Variants in GRM8 observed in about 807,000 individuals in gnomAD.
GRM8 encodes the protein metabotropic glutamate receptor 8.
Under a neutral mutation model 87.2 loss-of-function variants are expected in GRM8, and 47 were observed. The ratio of observed to expected loss-of-function variants is 0.54; its 90% CI spans 0.43 to 0.69. GRM8 has a LOEUF of 0.69. Among genes scored for constraint, GRM8 ranks in the 30% least tolerant of loss-of-function variants. GRM8 has a pLI of 0.00. For synonymous variants in GRM8, 396 were observed against 404.5 expected (o/e 0.98, Z 0.25); for missense variants, 1,019 against 1,139.2 (o/e 0.89, Z 1.52).
chr7:126,769,706 AG>A (rs1818615054), intron 7 of GRM8, among the ~76,000 whole-genome samples, 158 bp downstream of exon 7: 1 of 152,118 alleles, frequency 6.6e-6, no homozygotes, highest in Non-Finnish European at 1.5e-5. Context: ...AATATGTTTG[AG>A]ATTCAAAAGC....
chr7:127,046,063 C>G (rs1283387551), intron 3 of GRM8, among the ~76,000 whole-genome samples: 2 of 152,150 alleles, frequency 1.3e-5, no homozygotes, highest in African/African-American at 4.8e-5. Flanking sequence ...AGACTTTTCT[C>G]TCAATAACGT....
At chr7:126,819,037 C>T (rs925627535) in intron 6 of GRM8, among the ~76,000 whole-genome samples, 2 of 152,158 alleles carry the variant, frequency 1.3e-5, no homozygotes, top group Non-Finnish European at 2.9e-5. Flanking sequence ...TCAGCTCTCA[C>T]CTGAACTGCA....
At chr7:126,661,889 G>C (rs997661901) in intron 7 of GRM8, among the ~76,000 whole-genome samples, 1 of 58,828 alleles carries the variant, frequency 1.7e-5, no homozygotes, top group African/African-American at 8.0e-5. Context: ...AAGTTCCCAT[G>C]TCTTCACAGT....
chr7:126,463,555 A>T lies in GRM8; in HGVS notation c.2431-17183T>A, dbSNP rs144604915. On this transcript the variant is annotated intron_variant, in intron 9 of 10. Transcript: ENST00000339582. ...AGCCATTAAATTTATTCCTAGGTTC[A>T]GTGACCTCGGTCTTTGGTTAGGGAA... 2.7e-3 allele frequency among the ~76,000 whole-genome samples: 415 copies of T among 151,782 alleles called. 2 individuals carry two copies. Among genetic ancestry groups the T allele is most frequent in the African/African-American group, 9.7e-3 (402 of 41,504 alleles).
At chr7:126,536,036 C>T (rs1378347944) in intron 8 of GRM8, among the ~76,000 whole-genome samples, 1 of 152,192 alleles carries the variant, frequency 6.6e-6, no homozygotes, top group Non-Finnish European at 1.5e-5. Flanking sequence ...TTGTTTTAAA[C>T]TGCTACATTT....
chr7:127,028,633 AG>A (rs538438382), intron 3 of GRM8, among the ~76,000 whole-genome samples: 202 of 152,282 alleles, frequency 1.3e-3, no homozygotes, highest in Non-Finnish European at 2.5e-3. Flanking sequence ...AGGTGTTTAT[AG>A]TATTCTCTGA....
At chr7:126,936,761 C>T (rs968839552) in intron 3 of GRM8, among the ~76,000 whole-genome samples, 1 of 152,124 alleles carries the variant, frequency 6.6e-6, no homozygotes, top group African/African-American at 2.4e-5. Context: ...CCCCCGGGGA[C>T]TCAGCAGAGT....
At chr7:126,727,404 G>T (rs1048982696) in intron 7 of GRM8, among the ~76,000 whole-genome samples, 2 of 151,940 alleles carry the variant, frequency 1.3e-5, no homozygotes, top group Admixed American at 6.6e-5. Flanking sequence ...TATAGTATAT[G>T]ACTACATGGG....
intron 9 of GRM8, among the ~76,000 whole-genome samples, chr7:126,483,771 C>G (rs1339544879): frequency 8.9e-6 from 1 of 112,182 alleles, no homozygotes; most frequent in Non-Finnish European, 1.8e-5. Flanking sequence ...CTCCCTCCCT[C>G]CCTTCCTCCC....
At chr7:126,655,435 G>A (rs1363225419) in intron 7 of GRM8, among the ~76,000 whole-genome samples, 1 of 151,822 alleles carries the variant, frequency 6.6e-6, no homozygotes, top group African/African-American at 2.4e-5. Context: ...ATGTGTTGAG[G>A]GAGAGATCTG....
At chr7:127,001,351 T>C (rs1303752843) in intron 3 of GRM8, among the ~76,000 whole-genome samples, 2 of 151,568 alleles carry the variant, frequency 1.3e-5, no homozygotes, top group African/African-American at 4.8e-5. Flanking sequence ...TTCGTTAATA[T>C]AGAAATATAG....
intron 6 of GRM8, among the ~76,000 whole-genome samples, chr7:126,830,472 C>A (rs1369067415): frequency 2.0e-5 from 3 of 152,206 alleles, no homozygotes; most frequent in Non-Finnish European, 4.4e-5. Context: ...ATCACTAATA[C>A]CCTGTCTTCC....
At chr7:126,881,394 C>T (rs1800009415) in intron 6 of GRM8, among the ~76,000 whole-genome samples, 1 of 152,210 alleles carries the variant, frequency 6.6e-6, no homozygotes, top group Admixed American at 6.5e-5. Context: ...GGCCAGCGCA[C>T]AGGACCGAAG....
At chr7:126,953,780 C>T (rs1227484573) in intron 3 of GRM8, among the ~76,000 whole-genome samples, 1 of 152,116 alleles carries the variant, frequency 6.6e-6, no homozygotes, top group Non-Finnish European at 1.5e-5. Flanking sequence ...ATACCTCTCT[C>T]TTCTTTGAAG....
At chr7:127,110,629 G>A (rs1826260540) in intron 2 of GRM8, among the ~76,000 whole-genome samples, 2 of 151,704 alleles carry the variant, frequency 1.3e-5, no homozygotes, top group South Asian at 2.1e-4. Context: ...AAAAAAAATT[G>A]TTTTGGATTC....
intron 8 of GRM8, among the ~76,000 whole-genome samples, chr7:126,550,613 T>C (rs185968486): frequency 6.6e-6 from 1 of 152,198 alleles, no homozygotes; most frequent in African/African-American, 2.4e-5. Flanking sequence ...ATTAAGACCA[T>C]TTAGAAATAA....
intron 3 of GRM8, among the ~76,000 whole-genome samples, chr7:126,936,582 A>T (rs1806350166): frequency 6.6e-6 from 1 of 152,146 alleles, no homozygotes; most frequent in Admixed American, 6.5e-5. Flanking sequence ...TGGTTAAAGG[A>T]CTAAGTCTTG....
chr7:126,687,572 T>C lies in GRM8; in HGVS notation c.1358-78074A>G, dbSNP rs551987903. Among the ~76,000 whole-genome samples the C allele has an allele frequency of 2.6e-5, 4 of 151,838 alleles. No individual in the cohort carries two copies. The South Asian group carries it at 8.4e-4, about 32-fold the overall frequency. ...TACAAATATGCTTTTATTTATGCCT[T>C]GTTGTAAATGGATGTGTATTTCCAC... On this transcript the variant is annotated intron_variant, in intron 7 of 10. Transcript: ENST00000339582.
chr7:126,878,063 T>C (rs917456403), intron 6 of GRM8, among the ~76,000 whole-genome samples: 5 of 152,058 alleles, frequency 3.3e-5, no homozygotes, highest in African/African-American at 1.2e-4. Flanking sequence ...TCTAGGTGGG[T>C]TTAACTCCAA....
Sources: allele counts gnomAD v4.1 joint callset (sites outside exome capture counted in the v4.1 genomes callset), GRCh38; gene constraint gnomAD v4.1.1; transcripts MANE v1.5; gene names NCBI Gene and HGNC (gene_info 2026-07-23, HGNC 2026-07-21).